Variants in ST7 observed in about 807,000 individuals in gnomAD.
ST7 encodes the protein suppression of tumorigenicity 7.
A neutral mutation model predicts 78.7 loss-of-function variants in ST7; 28 were observed. The ratio of observed to expected loss-of-function variants is 0.36; its 90% CI spans 0.26 to 0.49. The LOEUF is 0.49. Among genes scored for constraint, ST7 ranks in the 20% least tolerant of loss-of-function variants. The pLI is 0.99. For synonymous variants in ST7, 247 were observed against 249.6 expected (o/e 0.99, Z 0.10); for missense variants, 418 against 696.0 (o/e 0.60, Z 4.49).
intron 1 of ST7, among the ~76,000 whole-genome samples, chr7:116,962,638 A>AT (rs1216582884): frequency 1.3e-5 from 2 of 151,792 alleles, no homozygotes; most frequent in Non-Finnish European, 2.9e-5. Flanking sequence ...GGGCTGTTTG[A>AT]TTTTTTCTTG....
chr7:117,154,670 A>T (rs1806552061), intron 9 of ST7, among the ~76,000 whole-genome samples: 1 of 152,218 alleles, frequency 6.6e-6, no homozygotes. Context: ...CTGGAGGTTT[A>T]CTGGGTAGTT....
At chr7:117,081,731 T>C (rs1266211361) in intron 1 of ST7, among the ~76,000 whole-genome samples, 4 of 152,210 alleles carry the variant, frequency 2.6e-5, no homozygotes, top group Admixed American at 6.5e-5. Flanking sequence ...AGCTAGCTAT[T>C]TTTATCCAAG....
chr7:117,119,840 A>C, intron 3 of ST7, 120 bp downstream of exon 3: 1 of 1,221,830 alleles, frequency 8.2e-7, no homozygotes, highest in Non-Finnish European at 1.1e-6. Flanking sequence ...AGAAAAATGC[A>C]GATCATTTTC....
intron 9 of ST7, among the ~76,000 whole-genome samples, chr7:117,152,960 A>G (rs1806409617): frequency 6.6e-6 from 1 of 152,134 alleles, no homozygotes; most frequent in Non-Finnish European, 1.5e-5. Context: ...GGTAATGGAG[A>G]GACACAGTTC....
At chr7:117,070,041 G>T (rs1452073065) in intron 1 of ST7, among the ~76,000 whole-genome samples, 2 of 152,212 alleles carry the variant, frequency 1.3e-5, no homozygotes, top group Non-Finnish European at 2.9e-5. Flanking sequence ...TTAAATTGGG[G>T]CTTCTTGATG....
At chr7:117,218,965 G>A (rs1792889406) in intron 13 of ST7, 119 bp from the exon 14 acceptor site, 7 of 726,790 alleles carry the variant, frequency 9.6e-6, no homozygotes, top group African/African-American at 1.8e-5. Context: ...GGTGGGGTAA[G>A]CCTTGCCTCC....
intron 2 of ST7, among the ~76,000 whole-genome samples, chr7:117,101,237 C>T (rs941867280): frequency 1.3e-5 from 2 of 152,160 alleles, no homozygotes; most frequent in Admixed American, 6.5e-5. Context: ...TAAATGTCCT[C>T]CCACACATCT....
At chr7:117,103,356 T>C (rs1345474605) in intron 2 of ST7, among the ~76,000 whole-genome samples, 1 of 152,194 alleles carries the variant, frequency 6.6e-6, no homozygotes, top group African/African-American at 2.4e-5. Context: ...CAAAATATTT[T>C]ACAAAGTTAT....
intron 3 of ST7, among the ~76,000 whole-genome samples, chr7:117,122,489 A>G (rs1803475712): frequency 1.3e-5 from 2 of 152,158 alleles, no homozygotes. Flanking sequence ...TTTGGATATT[A>G]TTACTAGTTC....
intron 1 of ST7, among the ~76,000 whole-genome samples, chr7:117,016,520 A>G (rs891553921): frequency 2.6e-4 from 40 of 152,224 alleles, no homozygotes; most frequent in African/African-American, 8.7e-4. Context: ...AATACTTTAT[A>G]TATGTATAAT....
intron 9 of ST7, among the ~76,000 whole-genome samples, chr7:117,164,204 A>C (rs949795106): frequency 2.6e-5 from 4 of 152,178 alleles, no homozygotes; most frequent in Non-Finnish European, 5.9e-5. Flanking sequence ...TCTACAGCCA[A>C]CTGATTTTGA....
At chr7:117,150,103 G>A (rs554753228) in intron 9 of ST7, among the ~76,000 whole-genome samples, 47 of 152,226 alleles carry the variant, frequency 3.1e-4, no homozygotes, top group African/African-American at 1.0e-3. Flanking sequence ...ACCAGGCCTC[G>A]CTCAGTCCCT....
At chr7:117,185,339 T>G (rs907696511) in intron 10 of ST7, among the ~76,000 whole-genome samples, 4 of 152,216 alleles carry the variant, frequency 2.6e-5, no homozygotes, top group African/African-American at 9.6e-5. Flanking sequence ...ATGAACTTGC[T>G]TCAGGCAATT....
At chr7:117,063,023 C>T (rs1288643176) in intron 1 of ST7, among the ~76,000 whole-genome samples, 2 of 152,144 alleles carry the variant, frequency 1.3e-5, no homozygotes, top group Non-Finnish European at 2.9e-5. Context: ...TTTGCAGATG[C>T]TCTCATTAAT....
chr7:117,154,488 A>G (rs901816293), intron 9 of ST7, among the ~76,000 whole-genome samples: 1 of 152,190 alleles, frequency 6.6e-6, no homozygotes, highest in Admixed American at 6.6e-5. Flanking sequence ...GGGCCTGCAG[A>G]GGAGGGATAT....
At chr7:117,195,652 C>A (rs993858919) in intron 12 of ST7, among the ~76,000 whole-genome samples, 1 of 152,124 alleles carries the variant, frequency 6.6e-6, no homozygotes, top group Non-Finnish European at 1.5e-5. Context: ...GAAAAAGCCC[C>A]TTATAAAACC....
chr7:117,122,834 T>A (rs939512541), intron 3 of ST7, among the ~76,000 whole-genome samples: 31 of 152,198 alleles, frequency 2.0e-4, no homozygotes, highest in Admixed American at 9.8e-4. Flanking sequence ...TGATTTTGAT[T>A]TTTGAATAAG....
chr7:117,152,222 T>TAAAA (rs1563124840), intron 9 of ST7, among the ~76,000 whole-genome samples: 1 of 117,954 alleles, frequency 8.5e-6, no homozygotes. Context: ...TATATATATA[T>TAAAA]ACCATGAACA....
intron 1 of ST7, among the ~76,000 whole-genome samples, chr7:117,089,156 A>G (rs1343900804): frequency 2.6e-5 from 4 of 152,234 alleles, no homozygotes; most frequent in Non-Finnish European, 1.5e-5. Flanking sequence ...TACTAGCTCT[A>G]TATTTCCAGC....
Sources: gnomAD v4.1 joint callset for allele counts (sites outside exome capture counted in the v4.1 genomes callset) on GRCh38, gnomAD v4.1.1 for gene constraint, MANE v1.5 for transcripts, NCBI Gene and HGNC (gene_info 2026-07-23, HGNC 2026-07-21) for gene names.